PAN3: variants seen among roughly 807,000 people sequenced by gnomAD.
The protein encoded by PAN3 is poly(A) specific ribonuclease subunit PAN3, also known as PAN2-PAN3 deadenylation complex subunit PAN3.
PAN3 carries 19 observed loss-of-function variants against 96.2 expected under a neutral mutation model. The ratio of observed to expected loss-of-function variants is 0.20; its 90% CI spans 0.14 to 0.29. The LOEUF is 0.29. Ranked by LOEUF, PAN3 falls within the 10% of genes least tolerant of loss-of-function variation. PAN3 has a pLI of 1.00. For missense variants in PAN3, 882 were observed against 1,108.1 expected (o/e 0.80, Z 2.90); for synonymous variants, 433 against 406.6 (o/e 1.06, Z -0.78).
intron 14 of PAN3, among the ~76,000 whole-genome samples, chr13:28,274,491 G>T (rs1407728532): frequency 1.3e-5 from 2 of 148,902 alleles, no homozygotes; most frequent in East Asian, 3.9e-4. Flanking sequence ...ACCCGTGTCT[G>T]CATTAAAAAA....
At chr13:28,140,784 A>G (rs547972301) in intron 1 of PAN3, among the ~76,000 whole-genome samples, 2 of 152,212 alleles carry the variant, frequency 1.3e-5, no homozygotes, top group Admixed American at 1.3e-4. Flanking sequence ...ATGAAGATAT[A>G]TTTGCTAAGG....
At chr13:28,270,286 A>T (rs1886504696) in intron 12 of PAN3, among the ~76,000 whole-genome samples, 1 of 152,220 alleles carries the variant, frequency 6.6e-6, no homozygotes, top group Admixed American at 6.5e-5. Context: ...TTTTATTTCC[A>T]TCAAGCCACA....
intron 1 of PAN3, among the ~76,000 whole-genome samples, chr13:28,164,411 A>G (rs888251212): frequency 2.6e-5 from 4 of 152,232 alleles, no homozygotes; most frequent in Admixed American, 2.6e-4. Context: ...TGTTGAGGAT[A>G]TGCTAATGTC....
chr13:28,217,873 C>A (rs1880982788), intron 5 of PAN3, among the ~76,000 whole-genome samples: 1 of 151,196 alleles, frequency 6.6e-6, no homozygotes, highest in South Asian at 2.1e-4. Context: ...CTTATTTATC[C>A]CAAACTCCTT....
chr13:28,166,647 G>A (rs765156174), intron 1 of PAN3, among the ~76,000 whole-genome samples: 4 of 152,326 alleles, frequency 2.6e-5, no homozygotes, highest in African/African-American at 7.2e-5. Context: ...GCAGTTCTCT[G>A]TCTAGCCCCT....
At chr13:28,251,620 G>T (rs1172052215) in intron 6 of PAN3, among the ~76,000 whole-genome samples, 1 of 152,160 alleles carries the variant, frequency 6.6e-6, no homozygotes, top group Non-Finnish European at 1.5e-5. Flanking sequence ...CTCTTCGACA[G>T]ACAGGCTTCC....
intron 1 of PAN3, among the ~76,000 whole-genome samples, chr13:28,160,814 C>T (rs954731954): frequency 2.0e-5 from 3 of 152,108 alleles, no homozygotes; most frequent in Non-Finnish European, 2.9e-5. Flanking sequence ...TGAACTATAT[C>T]GTTAGTTCTT....
At chr13:28,212,833 G>A (rs1157891028) in intron 5 of PAN3, among the ~76,000 whole-genome samples, 1 of 152,180 alleles carries the variant, frequency 6.6e-6, no homozygotes, top group Non-Finnish European at 1.5e-5. Flanking sequence ...AACATCAGGT[G>A]ACCTAATATC....
intron 17 of PAN3, among the ~76,000 whole-genome samples, chr13:28,284,415 C>T (rs1868713145): frequency 6.6e-6 from 1 of 151,072 alleles, no homozygotes; most frequent in African/African-American, 2.4e-5. Context: ...CATTCCCCAC[C>T]CTTGGAGACA....
intron 15 of PAN3, among the ~76,000 whole-genome samples, chr13:28,278,419 T>G (rs918556642): frequency 1.6e-4 from 25 of 152,190 alleles, no homozygotes; most frequent in Admixed American, 1.3e-4. Context: ...TCAAATAATT[T>G]CAGGTTATAA....
intron 1 of PAN3, among the ~76,000 whole-genome samples, chr13:28,146,991 A>AT (rs1421289863): frequency 6.6e-6 from 1 of 152,112 alleles, no homozygotes; most frequent in Admixed American, 6.5e-5. Context: ...CAAAAAAAAA[A>AT]GGAAAAGAAA....
At chr13:28,282,200 G>A (rs892156742) in intron 17 of PAN3, among the ~76,000 whole-genome samples, 1 of 152,168 alleles carries the variant, frequency 6.6e-6, no homozygotes, top group African/African-American at 2.4e-5. Flanking sequence ...AAGCAGAGTC[G>A]ATGTTTGTAC....
At chr13:28,278,867 A>AT (rs1030122426) in intron 15 of PAN3, among the ~76,000 whole-genome samples, 2 of 152,126 alleles carry the variant, frequency 1.3e-5, no homozygotes, top group African/African-American at 4.8e-5. Flanking sequence ...GATATAGTTT[A>AT]TTCACATGGG....
At chr13:28,250,764 A>G (rs924374534) in intron 6 of PAN3, among the ~76,000 whole-genome samples, 12 of 152,186 alleles carry the variant, frequency 7.9e-5, no homozygotes, top group African/African-American at 2.9e-4. Flanking sequence ...TCAGCCTCCC[A>G]AAATGCTGGG....
intron 1 of PAN3, among the ~76,000 whole-genome samples, chr13:28,159,973 C>G (rs184146851): frequency 2.4e-4 from 36 of 151,668 alleles, no homozygotes; most frequent in African/African-American, 8.5e-4. Flanking sequence ...GAGTCTCGCT[C>G]TATCACCCAG....
rs745986973 is a variant in PAN3 at position 28,287,978 on chromosome 13, C to T, written c.2385-6C>T. 3.1e-6 allele frequency: 5 copies of T among 1,604,078 alleles called. No individual in the cohort carries two copies. The East Asian group carries it at 6.7e-5, about 22-fold the overall frequency. The stretch of plus-strand genomic sequence containing the variant: ...GTTACTGAGGTAAAATGTTCATTTC[C>T]CCCAGGTTTCAGAAGGATCCCACTT... On this transcript the variant is annotated splice_polypyrimidine_tract_variant and splice_region_variant and intron_variant, in intron 17 of 18. Coordinates refer to ENST00000380958, the MANE Select transcript of PAN3 (RefSeq NM_175854.8).
At chr13:28,232,603 TTATAA>T (rs1182124687) in intron 6 of PAN3, 1 of 151,900 alleles carries the variant, frequency 6.6e-6, no homozygotes, top group East Asian at 1.9e-4. Flanking sequence ...GTGTTCTGCA[TTATAA>T]TATATTTTTA....
At position 28,211,012 on chromosome 13, in the gene PAN3, C is replaced by A. The variant is rs146489458; in HGVS notation, c.853-9219C>A. Reference sequence around the variant, plus strand: ...CTTCACCTCCTGGGCTCAAGCAGTTCTCCTGAATAGCTGGGACCACAGGTG... The same window carrying A: ...CTTCACCTCCTGGGCTCAAGCAGTTATCCTGAATAGCTGGGACCACAGGTG... On this transcript the variant is annotated intron_variant, in intron 5 of 18. Transcript: ENST00000380958. Among the ~76,000 whole-genome samples the A allele has an allele frequency of 7.9e-3, 1,198 of 152,192 alleles. 5 individuals are homozygous for A. The highest frequency in any genetic ancestry group is 0.011 in the Non-Finnish European group (726 of 68,008).
chr13:28,270,588 G>T, intron 12 of PAN3, 113 bp from the exon 13 acceptor site: 1 of 1,063,044 alleles, frequency 9.4e-7, no homozygotes, highest in East Asian at 2.5e-5. Flanking sequence ...TATATAAATT[G>T]ACATGTTGTG....
Sources: gnomAD v4.1 joint callset for allele counts (sites outside exome capture counted in the v4.1 genomes callset) on GRCh38, gnomAD v4.1.1 for gene constraint, MANE v1.5 for transcripts, NCBI Gene and HGNC (gene_info 2026-07-23, HGNC 2026-07-21) for gene names.